Variants in HMGB2 observed in about 807,000 individuals in gnomAD.
HMGB2 encodes high mobility group protein B2.
In HMGB2, 2 loss-of-function variants were observed where a neutral mutation model predicts 23.0. That is an observed-to-expected ratio of 0.09 (90% CI 0.04 to 0.27). The LOEUF (loss-of-function observed/expected upper bound fraction) is 0.27. Among genes scored for constraint, HMGB2 ranks in the 10% least tolerant of loss-of-function variants. HMGB2 has a pLI of 1.00. For synonymous variants in HMGB2, 99 were observed against 87.5 expected (o/e 1.13, Z -0.73); for missense variants, 178 against 256.5 (o/e 0.69, Z 2.09).
At position 173,333,693 on chromosome 4, in the gene HMGB2, G is replaced by A. The variant is rs781521003; in HGVS notation, c.-20-24C>T. On this transcript the variant is annotated intron_variant, in intron 1 of 4. Transcript: ENST00000296503. This position sits in a 1 kb window ranked among gnomAD's most constrained non-coding sequence, Gnocchi z 4.6. The stretch of plus-strand genomic sequence containing the variant: ...ACCTGACGGGGCCGAGGGGGGAGAG[G>A]GGAAGCCGGAGGGTCGGCGCGGAGC... The A allele has an allele frequency of 1.5e-5, 23 of 1,547,596 alleles. No individual in the cohort carries two copies. The highest frequency in any genetic ancestry group is 3.5e-5 in the South Asian group (3 of 85,476).
rs1421175111 is a variant in HMGB2, at chr4:173,331,605, GC to G, written c.*474del. On this transcript the variant is annotated 3_prime_UTR_variant, in exon 5 of 5. Transcript: ENST00000296503. ...GTCAACTGTGTCTAAGAACTACTAG[GC>G]AGAAATACCGAAAAAAATCAACATA... 1.3e-5 allele frequency: 2 copies of G among 151,752 alleles called. No individual in the cohort carries two copies. Among genetic ancestry groups the G allele is most frequent in the African/African-American group, 4.9e-5 (2 of 41,150 alleles). The allele number at this position is 151,752 out of a possible 1,614,324, so 9.4% of individuals were successfully genotyped here.
In HMGB2 at chr4:173,333,378, T is replaced by C; in HGVS notation, c.150+122A>G. The C allele has an allele frequency of 7.2e-7, 1 of 1,381,652 alleles. No homozygotes were observed. The highest frequency in any genetic ancestry group is 9.9e-7 in the Non-Finnish European group (1 of 1,012,082). The allele number at this position is 1,381,652 out of a possible 1,614,324, so 85.6% of individuals were successfully genotyped here. On this transcript the variant is annotated intron_variant, in intron 2 of 4. Coordinates refer to ENST00000296503, the MANE Select transcript of HMGB2 (RefSeq NM_002129.4). The surrounding 1 kb of genome is among the most constrained non-coding windows in gnomAD (Gnocchi z 4.6). ...AATCGTCTGCCTGGAACTCTTAAGA[T>C]ATTCAGGTGAGTCACTGGGGTGGCA...
rs1194562189 is a variant in HMGB2, at chr4:173,333,737, G to A, written c.-20-68C>T. ...GCGGAGCCCGCAGCTGCCAGGGCGGGCGCTGGCGGGGCTCCGCTTCCCGCC... is the reference window on the plus strand; with the variant it reads ...GCGGAGCCCGCAGCTGCCAGGGCGGACGCTGGCGGGGCTCCGCTTCCCGCC... On this transcript the variant is annotated intron_variant, in intron 1 of 4. Transcript: ENST00000296503. This position sits in a 1 kb window ranked among gnomAD's most constrained non-coding sequence, Gnocchi z 4.6. The A allele has an allele frequency of 1.6e-6, 2 of 1,281,808 alleles. No homozygotes were observed. The highest frequency in any genetic ancestry group is 2.7e-5 in the East Asian group (1 of 37,280). 79.4% of individuals were successfully genotyped at this position (1,281,808 alleles called of 1,614,324 possible).
At chr4:173,332,752 T>G in intron 4 of HMGB2, 69 bp downstream of exon 4, 2 of 1,358,648 alleles carry the variant, frequency 1.5e-6, no homozygotes, top group Non-Finnish European at 1.0e-6. Context: ...TAACTAAATT[T>G]CCCAGGTTTT....
At chr4:173,332,647 T>C (rs753180929) in intron 4 of HMGB2, 174 bp downstream of exon 4, 8 of 625,432 alleles carry the variant, frequency 1.3e-5, no homozygotes, top group Non-Finnish European at 2.3e-5. Flanking sequence ...AAACACTGGT[T>C]TCAGTCAAAA....
At position 173,333,679 on chromosome 4, in the gene HMGB2, CCGAGGGGG is replaced by C; in HGVS notation, c.-20-18_-20-11del. 1.9e-6 allele frequency: 3 copies of C among 1,579,768 alleles called. No individual in the cohort carries two copies. Among genetic ancestry groups the C allele is most frequent in the Non-Finnish European group, 2.6e-6 (3 of 1,159,698 alleles). ...ACAGATCCGCGTCCACCTGACGGGGCCGAGGGGGGAGAGGGGAAGCCGGAGGGTCGGCG... is the reference window on the plus strand; with the variant it reads ...ACAGATCCGCGTCCACCTGACGGGGCGAGAGGGGAAGCCGGAGGGTCGGCG... On this transcript the variant is annotated splice_polypyrimidine_tract_variant and intron_variant, in intron 1 of 4. Transcript: ENST00000296503. The surrounding 1 kb of genome is among the most constrained non-coding windows in gnomAD (Gnocchi z 4.6).
chr4:173,333,336 T>C lies in HMGB2; in HGVS notation c.151-122A>G, dbSNP rs551185609. On this transcript the variant is annotated intron_variant, in intron 2 of 4. Coordinates refer to ENST00000296503, the MANE Select transcript of HMGB2 (RefSeq NM_002129.4). This position sits in a 1 kb window ranked among gnomAD's most constrained non-coding sequence, Gnocchi z 4.6. ...ACAGCATTTTGCTTTCGAAGTCTTA[T>C]ATAAGTAAAAACCTAAAATCGTCTG... 3 of 1,373,600 alleles carry C rather than the reference T, an allele frequency of 2.2e-6. No homozygotes were observed. Among genetic ancestry groups the C allele is most frequent in the South Asian group, 2.8e-5 (2 of 71,566 alleles). The allele number at this position is 1,373,600 out of a possible 1,614,324, so 85.1% of individuals were successfully genotyped here.
intron 4 of HMGB2, 21 bp downstream of exon 4, chr4:173,332,800 T>G: frequency 6.2e-7 from 1 of 1,601,194 alleles, no homozygotes; most frequent in Non-Finnish European, 8.5e-7. Flanking sequence ...ATCCACGGCT[T>G]TAAAAAAGAT....
At chr4:173,332,464 C>G in intron 4 of HMGB2, 1 of 523,294 alleles carries the variant, frequency 1.9e-6, no homozygotes, top group Non-Finnish European at 3.4e-6. Context: ...CTACCAATAC[C>G]CTTTTACATC....
chr4:173,331,852 T>C lies in HMGB2; in HGVS notation c.*228A>G. The C allele has an allele frequency of 2.0e-6, 1 of 489,354 alleles. No homozygotes were observed. 30.3% of individuals were successfully genotyped at this position (489,354 alleles called of 1,614,324 possible). On this transcript the variant is annotated 3_prime_UTR_variant, in exon 5 of 5. Transcript: ENST00000296503. ...AAAAACCATTAAATATTTAGGAACA[T>C]TCAACATCAGAAGCTGTAAAATCTA... is the stretch of plus-strand genomic sequence containing the variant.
In HMGB2 at chr4:173,332,992, A is replaced by G. The variant is rs183785888; in HGVS notation, c.300T>C (p.Ser100=). 1 of 1,613,976 alleles carries G rather than the reference A, an allele frequency of 6.2e-7. No homozygotes were observed. Among genetic ancestry groups the G allele is most frequent in the East Asian group, 2.2e-5 (1 of 44,876 alleles). ...GTTCAGAGCAAAACAGGAAGAAGGC[A>G]GATCTGAAAGGAAGCAACAGAGTTT... is the stretch of plus-strand genomic sequence containing the variant. ...KDPNAPKRPP[S]AFFLFCSEHR... The change falls in exon 4 of 5, where the codon TCT becomes TCC. Residue 100 remains serine (S), a synonymous_variant. Transcript: ENST00000296503.
At position 173,333,587 on chromosome 4, in the gene HMGB2, C is replaced by A. The variant is rs1290286128; in HGVS notation, c.63G>T (p.Gln21His). ...GKMSSYAFFVQTCREEHKKKH... is the reference protein window; with the variant it reads ...GKMSSYAFFVHTCREEHKKKH... The stretch of plus-strand genomic sequence containing the variant: ...TCTTCTTGTGCTCTTCCCGGCAGGT[C>A]TGCACGAAGAAGGCGTACGAGGACA... The change falls in exon 2 of 5, where the codon CAG (glutamine) becomes CAT (histidine). Residue 21 changes from glutamine (Q) to histidine (H), a missense_variant. Gln to His is a conservative substitution (Grantham distance 24). This residue lies in a region of HMGB2 where 90 missense variants were observed against 114.4 expected (regional missense o/e 0.79). Transcript: ENST00000296503. The surrounding 1 kb of genome is among the most constrained non-coding windows in gnomAD (Gnocchi z 4.6). The A allele has an allele frequency of 1.2e-6, 2 of 1,614,194 alleles. No individual in the cohort carries two copies. The highest frequency in any genetic ancestry group is 1.7e-5 in the Admixed American group (1 of 60,032).
chr4:173,333,629 G>T lies in HMGB2; in HGVS notation c.21C>A (p.Asn7Lys). MGKGDP[N>K]KPRGKMSSYA... is the part of the protein sequence containing the mutation. The stretch of plus-strand genomic sequence containing the variant: ...ACGAGGACATTTTGCCCCGCGGCTT[G>T]TTGGGGTCTCCTTTACCCATGTTGA... Residue 7 changes from asparagine (N) to lysine (K), a missense_variant, in exon 2 of 5, where the codon AAC (asparagine) becomes AAA (lysine). Asn to Lys is a moderately conservative substitution (Grantham distance 94). Around this residue, in one of 3 missense-constraint regions of HMGB2, gnomAD observed 90 missense variants for 114.4 expected, o/e 0.79. Transcript: ENST00000296503. This position sits in a 1 kb window ranked among gnomAD's most constrained non-coding sequence, Gnocchi z 4.6. 6.2e-7 allele frequency: 1 copy of T among 1,614,054 alleles called. No homozygotes were observed. Among genetic ancestry groups the T allele is most frequent in the Non-Finnish European group, 8.5e-7 (1 of 1,179,926 alleles).
Position 173,333,332 on chromosome 4 carries a change from C to T in HMGB2, c.151-118G>A. On this transcript the variant is annotated intron_variant, in intron 2 of 4. Coordinates refer to ENST00000296503, the MANE Select transcript of HMGB2 (RefSeq NM_002129.4). The surrounding 1 kb of genome is among the most constrained non-coding windows in gnomAD (Gnocchi z 4.6). Reference sequence around the variant, plus strand: ...CTTAACAGCATTTTGCTTTCGAAGTCTTATATAAGTAAAAACCTAAAATCG... The same window carrying T: ...CTTAACAGCATTTTGCTTTCGAAGTTTTATATAAGTAAAAACCTAAAATCG... 7.3e-7 allele frequency: 1 copy of T among 1,374,878 alleles called. No individual in the cohort carries two copies. Among genetic ancestry groups the T allele is most frequent in the African/African-American group, 1.5e-5 (1 of 68,648 alleles). The allele number at this position is 1,374,878 out of a possible 1,614,324, so 85.2% of individuals were successfully genotyped here. A position where few individuals can be genotyped will look rare whatever the true frequency, so the allele number is the denominator to read the frequency against.
intron 4 of HMGB2, 62 bp downstream of exon 4, chr4:173,332,758 GT>G (rs1487729406): frequency 2.1e-6 from 3 of 1,418,676 alleles, no homozygotes; most frequent in Non-Finnish European, 2.9e-6. Context: ...AATTTCCCAG[GT>G]TTTCTACAGT....
Position 173,333,675 on chromosome 4 carries a change from G to C in HMGB2, c.-20-6C>G, listed in dbSNP as rs912461256. ...GTTGACAGATCCGCGTCCACCTGAC[G>C]GGGCCGAGGGGGGAGAGGGGAAGCC... On this transcript the variant is annotated splice_region_variant and splice_polypyrimidine_tract_variant and intron_variant, in intron 1 of 4. Coordinates refer to ENST00000296503, the MANE Select transcript of HMGB2 (RefSeq NM_002129.4). The surrounding 1 kb of genome is among the most constrained non-coding windows in gnomAD (Gnocchi z 4.6). 27 of 1,580,142 alleles carry C rather than the reference G, an allele frequency of 1.7e-5. No homozygotes were observed. The highest frequency in any genetic ancestry group is 3.5e-5 in the Admixed American group (2 of 56,828).
Position 173,333,391 on chromosome 4 carries a change from C to T in HMGB2, c.150+109G>A. 7.0e-7 allele frequency: 1 copy of T among 1,433,304 alleles called. No homozygotes were observed. The highest frequency in any genetic ancestry group is 9.5e-7 in the Non-Finnish European group (1 of 1,054,916). 88.8% of individuals were successfully genotyped at this position (1,433,304 alleles called of 1,614,324 possible). A position where few individuals can be genotyped will look rare whatever the true frequency, so the allele number is the denominator to read the frequency against. Reference sequence around the variant, plus strand: ...GAACTCTTAAGATATTCAGGTGAGTCACTGGGGTGGCAAAGTTGAAGCTCA... The same window carrying T: ...GAACTCTTAAGATATTCAGGTGAGTTACTGGGGTGGCAAAGTTGAAGCTCA... On this transcript the variant is annotated intron_variant, in intron 2 of 4. Coordinates refer to ENST00000296503, the MANE Select transcript of HMGB2 (RefSeq NM_002129.4). This position sits in a 1 kb window ranked among gnomAD's most constrained non-coding sequence, Gnocchi z 4.6.
chr4:173,333,629 G>C lies in HMGB2; in HGVS notation c.21C>G (p.Asn7Lys). ...ACGAGGACATTTTGCCCCGCGGCTT[G>C]TTGGGGTCTCCTTTACCCATGTTGA... MGKGDPNKPRGKMSSYA... is the reference protein window; with the variant it reads MGKGDPKKPRGKMSSYA... Residue 7 changes from asparagine to lysine, a missense_variant, in exon 2 of 5, where the codon AAC becomes AAG. By Grantham distance (94) the Asn-to-Lys change is moderately conservative. Coordinates refer to ENST00000296503, the MANE Select transcript of HMGB2 (RefSeq NM_002129.4). This position sits in a 1 kb window ranked among gnomAD's most constrained non-coding sequence, Gnocchi z 4.6. 1 of 1,614,054 alleles carries C rather than the reference G, an allele frequency of 6.2e-7. No homozygotes were observed. Among genetic ancestry groups the C allele is most frequent in the Non-Finnish European group, 8.5e-7 (1 of 1,179,926 alleles).
In HMGB2 at chr4:173,333,850, C is replaced by G. The variant is rs1419383465; in HGVS notation, c.-20-181G>C. Among the ~76,000 whole-genome samples the G allele has an allele frequency of 1.3e-5, 2 of 151,234 alleles. No homozygotes were observed. Among genetic ancestry groups the G allele is most frequent in the East Asian group, 2.0e-4 (1 of 5,080 alleles). On this transcript the variant is annotated intron_variant, in intron 1 of 4. Transcript: ENST00000296503. The surrounding 1 kb of genome is among the most constrained non-coding windows in gnomAD (Gnocchi z 4.6). ...GCCCGCGCCCCCGCCCGCGCCCCGG[C>G]GCACACCCTCCTCCTCCTCCTCCTC...
Sources: allele counts gnomAD v4.1 joint callset (sites outside exome capture counted in the v4.1 genomes callset), GRCh38; gene constraint gnomAD v4.1.1; regional missense constraint gnomAD v4.1.1; non-coding constraint Gnocchi (gnomAD v3.1); transcripts MANE v1.5; gene names NCBI Gene and HGNC (gene_info 2026-07-23, HGNC 2026-07-21).